The following GALNT13 variants were observed in gnomAD, a reference collection of about 807,000 sequenced individuals.
The protein encoded by GALNT13 is UDP-GalNAc:polypeptide N-acetylgalactosaminyltransferase 13.
A neutral mutation model predicts 64.2 loss-of-function variants in GALNT13; 28 were observed. The ratio of observed to expected loss-of-function variants is 0.44; its 90% confidence interval spans 0.32 to 0.60. The LOEUF is 0.60. GALNT13 is among the 20% of genes least tolerant of loss of function. The pLI, the probability that GALNT13 is intolerant of heterozygous loss-of-function variation, is 0.05. For synonymous variants in GALNT13, 214 were observed against 224.6 expected (o/e 0.95, Z 0.42); for missense variants, 577 against 669.8 (o/e 0.86, Z 1.53).
At chr2:153,801,320 T>G in the GALNT13 span, among the ~76,000 whole-genome samples, 1 of 152,158 alleles carries the variant, frequency 6.6e-6, no homozygotes, top group South Asian at 2.1e-4. Flanking sequence ...CCTATCTTGC[T>G]TTTGACATGC....
intron 9 of GALNT13, among the ~76,000 whole-genome samples, 187 bp from the exon 10 acceptor site, chr2:154,395,804 A>C (rs972979563): frequency 3.9e-5 from 6 of 152,134 alleles, no homozygotes; most frequent in Non-Finnish European, 5.9e-5. Flanking sequence ...CCAATGGGAG[A>C]AGTGTTATTT....
chr2:154,187,116 A>T (rs1686294745), intron 4 of GALNT13, among the ~76,000 whole-genome samples: 1 of 152,070 alleles, frequency 6.6e-6, no homozygotes, highest in Non-Finnish European at 1.5e-5. Flanking sequence ...CTTCATGGTT[A>T]TATGAGGAAA....
chr2:153,245,627 C>A, the GALNT13 span, among the ~76,000 whole-genome samples: 1 of 152,216 alleles, frequency 6.6e-6, no homozygotes, highest in Admixed American at 6.5e-5. Flanking sequence ...CCAACACACA[C>A]AAACTCCATC....
the GALNT13 span, among the ~76,000 whole-genome samples, chr2:153,778,297 A>G: frequency 6.6e-6 from 1 of 152,194 alleles, no homozygotes; most frequent in African/African-American, 2.4e-5. Flanking sequence ...ATGGCAGGCC[A>G]GGGTGGTCCT....
chr2:153,191,793 G>A, the GALNT13 span, among the ~76,000 whole-genome samples: 1 of 151,770 alleles, frequency 6.6e-6, no homozygotes, highest in Non-Finnish European at 1.5e-5. Flanking sequence ...ACCTTGGTAG[G>A]TTGTATGTAT....
the GALNT13 span, among the ~76,000 whole-genome samples, chr2:153,220,086 T>A: frequency 6.6e-6 from 1 of 152,178 alleles, no homozygotes; most frequent in African/African-American, 2.4e-5. Context: ...TCAAGTTAGG[T>A]CCTAGGCTAC....
chr2:153,363,126 GA>G, the GALNT13 span, among the ~76,000 whole-genome samples: 1 of 152,060 alleles, frequency 6.6e-6, no homozygotes, highest in Non-Finnish European at 1.5e-5. Flanking sequence ...ACATGCTCCT[GA>G]ATGACTCCTG....
chr2:153,271,860 C>G, the GALNT13 span, among the ~76,000 whole-genome samples: 3 of 152,306 alleles, frequency 2.0e-5, no homozygotes, highest in East Asian at 3.9e-4. Flanking sequence ...TACCTGTCTT[C>G]AAACTATACT....
At chr2:153,933,319 TC>T (rs1469311831) in intron 2 of GALNT13, among the ~76,000 whole-genome samples, 15 of 152,070 alleles carry the variant, frequency 9.9e-5, no homozygotes, top group African/African-American at 3.6e-4. Context: ...AATATAATAT[TC>T]TTCTTTTGTC....
Position 154,450,631 on chromosome 2 carries a change from C to T in GALNT13, c.*80C>T. 1.6e-6 allele frequency: 2 copies of T among 1,287,862 alleles called. No homozygotes were observed. The highest frequency in any genetic ancestry group is 2.1e-6 in the Non-Finnish European group (2 of 954,448). The allele number at this position is 1,287,862 out of a possible 1,614,324, so 79.8% of individuals were successfully genotyped here. Reference sequence around the variant, plus strand: ...CAATTGGGGGAAAATATTAACTTTGCTGAATTGAAAGTTTTAAAAATCCTT... The same window carrying T: ...CAATTGGGGGAAAATATTAACTTTGTTGAATTGAAAGTTTTAAAAATCCTT... On this transcript the variant is annotated 3_prime_UTR_variant, in exon 13 of 13. Coordinates refer to ENST00000392825, the MANE Select transcript of GALNT13 (RefSeq NM_052917.4).
the GALNT13 span, among the ~76,000 whole-genome samples, chr2:153,090,176 A>G: frequency 6.6e-6 from 1 of 152,114 alleles, no homozygotes; most frequent in African/African-American, 2.4e-5. Context: ...CCTATCCCTT[A>G]GGATGGGGCT....
intron 3 of GALNT13, among the ~76,000 whole-genome samples, chr2:154,043,878 A>C (rs927155280): frequency 2.0e-5 from 3 of 151,938 alleles, no homozygotes; most frequent in Non-Finnish European, 4.4e-5. Flanking sequence ...CCAGGTTGGT[A>C]GACGGGGGCA....
the GALNT13 span, among the ~76,000 whole-genome samples, chr2:153,736,177 G>T: frequency 6.6e-6 from 1 of 152,076 alleles, no homozygotes; most frequent in Non-Finnish European, 1.5e-5. Flanking sequence ...ATAGATAAAA[G>T]CTTTGCTTCC....
the GALNT13 span, among the ~76,000 whole-genome samples, chr2:153,163,750 A>T: frequency 1.2e-4 from 18 of 152,256 alleles, no homozygotes; most frequent in East Asian, 9.7e-4. Context: ...CCGGACGCGG[A>T]GGCTCAAGCC....
chr2:153,764,668 C>A, the GALNT13 span, among the ~76,000 whole-genome samples: 4 of 152,302 alleles, frequency 2.6e-5, no homozygotes, highest in East Asian at 1.9e-4. Flanking sequence ...AAGGAAGAGC[C>A]AAATGTTAAT....
At chr2:153,149,817 A>G in the GALNT13 span, among the ~76,000 whole-genome samples, 1 of 151,886 alleles carries the variant, frequency 6.6e-6, no homozygotes, top group Non-Finnish European at 1.5e-5. Flanking sequence ...ATACACAAAG[A>G]GTTGGTAGAT....
the GALNT13 span, among the ~76,000 whole-genome samples, chr2:153,738,033 C>T: frequency 6.6e-6 from 1 of 151,826 alleles, no homozygotes. Flanking sequence ...CTCTCTTGCT[C>T]TGTTTTGTTT....
At chr2:153,549,802 T>TAAG in the GALNT13 span, among the ~76,000 whole-genome samples, 85,388 of 151,842 alleles carry the variant, frequency 0.56, 26,210 homozygotes, top group African/African-American at 0.79. Context: ...TGCCATTTCT[T>TAAG]AGTGGGATTT....
chr2:154,076,006 G>C (rs1206025327), intron 3 of GALNT13, among the ~76,000 whole-genome samples: 1 of 151,584 alleles, frequency 6.6e-6, no homozygotes, highest in African/African-American at 2.4e-5. Context: ...AAGATATGCT[G>C]ATATAATGAG....
Sources: allele counts gnomAD v4.1 joint callset (sites outside exome capture counted in the v4.1 genomes callset), GRCh38; gene constraint gnomAD v4.1.1; transcripts MANE v1.5; gene names NCBI Gene and HGNC (gene_info 2026-07-23, HGNC 2026-07-21).